AGBL4: variants seen among roughly 807,000 people sequenced by gnomAD.
AGBL4 encodes cytosolic carboxypeptidase 6.
Under a neutral mutation model 66.4 loss-of-function variants are expected in AGBL4, and 58 were observed. That is an observed-to-expected ratio of 0.87 (90% CI 0.71 to 1.09). AGBL4 has a LOEUF of 1.09. Among genes scored for constraint, AGBL4 ranks in the 50% least tolerant of loss-of-function variants. The pLI is 0.00. For synonymous variants in AGBL4, 234 were observed against 222.9 expected, an observed-to-expected ratio of 1.05 and a Z score of -0.44; for missense variants, 579 against 631.0, an observed-to-expected ratio of 0.92 and a Z score of 0.88.
chr1:49,315,473 G>C (rs1645023565), intron 3 of AGBL4, among the ~76,000 whole-genome samples: 3 of 151,870 alleles, frequency 2.0e-5, no homozygotes, highest in Admixed American at 2.0e-4. Context: ...CAGAATGGGA[G>C]AAAATTTTTG....
At chr1:49,097,968 T>C (rs1343005283) in intron 4 of AGBL4, among the ~76,000 whole-genome samples, 1 of 152,250 alleles carries the variant, frequency 6.6e-6, no homozygotes, top group African/African-American at 2.4e-5. Context: ...ACAGACATAA[T>C]ATACTACCTA....
At chr1:48,889,838 A>G (rs1156716417) in intron 5 of AGBL4, among the ~76,000 whole-genome samples, 1 of 152,308 alleles carries the variant, frequency 6.6e-6, no homozygotes, top group East Asian at 1.9e-4. Flanking sequence ...TCTCATGTCA[A>G]TTACCCAGGG....
rs1353695167 is a variant in AGBL4, at chr1:48,534,068, C to A, written c.*105G>T. 2 of 1,495,256 alleles carry A rather than the reference C, an allele frequency of 1.3e-6. No individual in the cohort carries two copies. Among genetic ancestry groups the A allele is most frequent in the African/African-American group, 1.4e-5 (1 of 71,746 alleles). 92.6% of individuals were successfully genotyped at this position (1,495,256 alleles called of 1,614,324 possible). ...ATCCCTTCCCTTTCACTAGCCTATG[C>A]ATTAATCCACAAATCCTTGGAAGCT... On this transcript the variant is annotated 3_prime_UTR_variant, in exon 14 of 14. Transcript: ENST00000371839.
chr1:49,270,318 T>C (rs538285976), intron 3 of AGBL4, among the ~76,000 whole-genome samples: 1 of 152,332 alleles, frequency 6.6e-6, no homozygotes, highest in South Asian at 2.1e-4. Context: ...AAGTAGGAGC[T>C]CTCTCTCTTG....
At chr1:48,781,334 TG>T (rs747399825) in intron 6 of AGBL4, among the ~76,000 whole-genome samples, 1 of 152,232 alleles carries the variant, frequency 6.6e-6, no homozygotes, top group Non-Finnish European at 1.5e-5. Flanking sequence ...CGTCAGTTCC[TG>T]CTTCCTGTGT....
chr1:49,536,669 G>A (rs1006177722), intron 3 of AGBL4, among the ~76,000 whole-genome samples: 1 of 152,140 alleles, frequency 6.6e-6, no homozygotes, highest in Non-Finnish European at 1.5e-5. Flanking sequence ...CAAGGCTATA[G>A]TAACAAAATA....
At chr1:49,235,806 A>G (rs1316516978) in intron 4 of AGBL4, among the ~76,000 whole-genome samples, 6 of 152,120 alleles carry the variant, frequency 3.9e-5, no homozygotes, top group Non-Finnish European at 8.8e-5. Flanking sequence ...TCTAGAGTGG[A>G]CAACCTCACT....
intron 6 of AGBL4, among the ~76,000 whole-genome samples, chr1:48,695,856 C>T (rs1646705616): frequency 6.6e-6 from 1 of 152,174 alleles, no homozygotes; most frequent in Non-Finnish European, 1.5e-5. Flanking sequence ...TAAGTACTAG[C>T]CTAGACCACC....
chr1:49,495,824 G>C (rs1029408262), intron 3 of AGBL4, among the ~76,000 whole-genome samples: 7 of 151,970 alleles, frequency 4.6e-5, no homozygotes, highest in Admixed American at 2.6e-4. Flanking sequence ...TGCCCACAAG[G>C]AATCAGAGGC....
At chr1:49,706,674 G>A (rs769255925) in intron 2 of AGBL4, among the ~76,000 whole-genome samples, 8 of 152,094 alleles carry the variant, frequency 5.3e-5, no homozygotes, top group Non-Finnish European at 8.8e-5. Context: ...ACTTTCTCAT[G>A]AGGGCATTTA....
chr1:49,948,582 TAGAGAGAG>T (rs71059567), intron 1 of AGBL4, among the ~76,000 whole-genome samples: 20 of 126,902 alleles, frequency 1.6e-4, no homozygotes, highest in African/African-American at 5.2e-4. Context: ...TATATATATA[TAGAGAGAG>T]AGAGAGAGAG....
At chr1:48,733,690 T>C (rs1199142583) in intron 6 of AGBL4, among the ~76,000 whole-genome samples, 1 of 152,196 alleles carries the variant, frequency 6.6e-6, no homozygotes, top group Non-Finnish European at 1.5e-5. Context: ...CAGCCCTGAC[T>C]ATCTTACGAG....
chr1:50,017,400 A>G (rs1043946004), intron 1 of AGBL4: 1 of 152,182 alleles, frequency 6.6e-6, no homozygotes, highest in African/African-American at 2.4e-5. Context: ...TCCCATCAAT[A>G]AACATGAACA....
intron 6 of AGBL4, among the ~76,000 whole-genome samples, chr1:48,826,137 C>T (rs60786589): frequency 0.012 from 1,780 of 152,252 alleles, 34 homozygotes; most frequent in African/African-American, 0.04. Context: ...GATCTCCCTC[C>T]TGTCACTCCT....
At chr1:49,040,064 G>A (rs928235034) in intron 5 of AGBL4, among the ~76,000 whole-genome samples, 1 of 151,946 alleles carries the variant, frequency 6.6e-6, no homozygotes, top group African/African-American at 2.4e-5. Flanking sequence ...TGGTTTGGAG[G>A]AAAATATTTG....
intron 4 of AGBL4, among the ~76,000 whole-genome samples, chr1:49,207,559 T>TTTCTTTCTTTCTTTCTTTC (rs1557729867): frequency 5.9e-5 from 8 of 135,892 alleles, no homozygotes; most frequent in African/African-American, 2.2e-4. Flanking sequence ...TCTTTCTTTC[T>TTTCTTTCTTTCTTTCTTTC]TTCTTTCTTT....
At chr1:48,951,116 T>C (rs1007753273) in intron 5 of AGBL4, among the ~76,000 whole-genome samples, 1 of 152,174 alleles carries the variant, frequency 6.6e-6, no homozygotes, top group African/African-American at 2.4e-5. Flanking sequence ...AACACAGATG[T>C]CACCTTCGGA....
chr1:48,888,076 C>T (rs1650547575), intron 5 of AGBL4, among the ~76,000 whole-genome samples: 1 of 152,146 alleles, frequency 6.6e-6, no homozygotes, highest in South Asian at 2.1e-4. Flanking sequence ...GGATGACACA[C>T]AGTTCTAGCA....
At chr1:49,086,764 G>A (rs1442282548) in intron 4 of AGBL4, among the ~76,000 whole-genome samples, 1 of 152,038 alleles carries the variant, frequency 6.6e-6, no homozygotes, top group Non-Finnish European at 1.5e-5. Context: ...AACTCTGTGG[G>A]AAGGCACATC....
Sources: gnomAD v4.1 joint callset for allele counts (sites outside exome capture counted in the v4.1 genomes callset) on GRCh38, gnomAD v4.1.1 for gene constraint, MANE v1.5 for transcripts, NCBI Gene and HGNC (gene_info 2026-07-23, HGNC 2026-07-21) for gene names.